The following KATNAL1 variants were observed in gnomAD, a reference collection of about 807,000 sequenced individuals.
KATNAL1 encodes the protein katanin p60 ATPase-containing subunit A-like 1.
KATNAL1 carries 32 observed loss-of-function variants against 55.2 expected under a neutral mutation model. The ratio of observed to expected loss-of-function variants is 0.58; its 90% CI spans 0.44 to 0.78. KATNAL1 has a LOEUF of 0.78. Ranked by LOEUF, KATNAL1 falls within the 30% of genes least tolerant of loss-of-function variation. The pLI is 0.00. For missense variants in KATNAL1, 466 were observed against 600.9 expected, an observed-to-expected ratio of 0.78 and a Z score of 2.35; for synonymous variants, 193 against 193.6, an observed-to-expected ratio of 1.00 and a Z score of 0.02.
rs117991635 is a variant in KATNAL1, at chr13:30,205,852, T to G, written c.*2688A>C. 0.013 allele frequency: 2,043 copies of G among 153,678 alleles called. 15 individuals are homozygous for G. Among genetic ancestry groups the G allele is most frequent in the Non-Finnish European group, 0.02 (1,402 of 70,174 alleles). 9.5% of individuals were successfully genotyped at this position (153,678 alleles called of 1,614,324 possible). A position where few individuals can be genotyped will look rare whatever the true frequency, so the allele number is the denominator to read the frequency against. The stretch of plus-strand genomic sequence containing the variant: ...AAGACTCTGTGTGTGTGTATGTGTG[T>G]GTATGTGTGTCTGTCTCACGCCTGT... On this transcript the variant is annotated 3_prime_UTR_variant, in exon 11 of 11. Transcript: ENST00000380615.
At chr13:30,239,926 C>T (rs1014506154) in intron 6 of KATNAL1, among the ~76,000 whole-genome samples, 3 of 152,056 alleles carry the variant, frequency 2.0e-5, no homozygotes, top group Non-Finnish European at 4.4e-5. Context: ...CCTCGTGATC[C>T]ACCCTCCTCA....
At chr13:30,276,678 C>T (rs1880871185) in intron 3 of KATNAL1, among the ~76,000 whole-genome samples, 1 of 151,958 alleles carries the variant, frequency 6.6e-6, no homozygotes, top group Admixed American at 6.6e-5. Context: ...TTTATTCTTC[C>T]ACCACTAGTA....
chr13:30,269,930 C>T (rs1382684169), intron 3 of KATNAL1, among the ~76,000 whole-genome samples: 6 of 151,428 alleles, frequency 4.0e-5, no homozygotes, highest in Non-Finnish European at 7.4e-5. Flanking sequence ...CCAGCCGCCC[C>T]GTCCGGGAGG....
Position 30,208,194 on chromosome 13 carries a change from A to G in KATNAL1, c.*346T>C, listed in dbSNP as rs577834825. 3.1e-3 allele frequency: 457 copies of G among 145,514 alleles called. 1 individual carries two copies. Among genetic ancestry groups the G allele is most frequent in the Admixed American group, 0.019 (248 of 13,064 alleles). The allele number at this position is 145,514 out of a possible 1,614,324, so 9.0% of individuals were successfully genotyped here. A position where few individuals can be genotyped will look rare whatever the true frequency, so the allele number is the denominator to read the frequency against. On this transcript the variant is annotated 3_prime_UTR_variant, in exon 11 of 11. Transcript: ENST00000380615. ...TCATGTTGACAGAGCACAGAATTGG[A>G]AAAAAAAACTGCAAATGAGAAATAG...
chr13:30,271,230 T>C (rs772079093), intron 3 of KATNAL1, among the ~76,000 whole-genome samples: 3 of 152,138 alleles, frequency 2.0e-5, no homozygotes, highest in East Asian at 3.8e-4. Flanking sequence ...ATCCCCAACT[T>C]ATAGAGGAGG....
At chr13:30,234,734 T>G (rs1191882817) in intron 6 of KATNAL1, among the ~76,000 whole-genome samples, 1 of 152,226 alleles carries the variant, frequency 6.6e-6, no homozygotes, top group African/African-American at 2.4e-5. Context: ...GAAACACATT[T>G]TGTTTCTATT....
chr13:30,213,557 T>C (rs1331235755), intron 9 of KATNAL1, among the ~76,000 whole-genome samples: 3 of 152,124 alleles, frequency 2.0e-5, no homozygotes, highest in African/African-American at 7.2e-5. Flanking sequence ...CAGCAGCACA[T>C]CTAAAAGCTT....
intron 1 of KATNAL1, among the ~76,000 whole-genome samples, chr13:30,286,082 G>T (rs1270314175): frequency 5.3e-5 from 8 of 152,212 alleles, no homozygotes; most frequent in Non-Finnish European, 1.2e-4. Context: ...ATGTTTAAAA[G>T]GGAAGCAGTG....
intron 4 of KATNAL1, among the ~76,000 whole-genome samples, chr13:30,246,447 A>C (rs566951482): frequency 6.6e-6 from 1 of 152,368 alleles, no homozygotes; most frequent in African/African-American, 2.4e-5. Flanking sequence ...ACCCTAGAAG[A>C]AAACCTAGGC....
intron 1 of KATNAL1, among the ~76,000 whole-genome samples, chr13:30,284,851 G>A (rs1881669602): frequency 6.6e-6 from 1 of 152,100 alleles, no homozygotes. Context: ...AATCATCCAA[G>A]GCTTCTATGC....
chr13:30,212,832 T>C (rs1312488675), intron 9 of KATNAL1, among the ~76,000 whole-genome samples: 2 of 152,196 alleles, frequency 1.3e-5, no homozygotes, highest in African/African-American at 4.8e-5. Flanking sequence ...CCCTCAAAAT[T>C]TTTAGGCAAC....
In KATNAL1 at chr13:30,237,617, G is replaced by A. The variant is rs536830139; in HGVS notation, c.726+2843C>T. On this transcript the variant is annotated intron_variant, in intron 6 of 10. Transcript: ENST00000380615. ...GAGAAAAGTTCATCCCAGAGATAACGTATTTTTGAAAAGGCACTTAATATG... is the reference window on the plus strand; with the variant it reads ...GAGAAAAGTTCATCCCAGAGATAACATATTTTTGAAAAGGCACTTAATATG... Among the ~76,000 whole-genome samples, 9 of 152,278 alleles carry A rather than the reference G, an allele frequency of 5.9e-5. No individual in the cohort carries two copies. In the South Asian group the frequency reaches 6.2e-4, roughly 11 times the overall value.
At chr13:30,223,670 T>C (rs949488186) in intron 9 of KATNAL1, among the ~76,000 whole-genome samples, 1 of 152,062 alleles carries the variant, frequency 6.6e-6, no homozygotes. Context: ...ATAATTTATT[T>C]ACTTAACAAC....
At chr13:30,229,588 T>C (rs893942170) in intron 8 of KATNAL1, among the ~76,000 whole-genome samples, 1 of 152,112 alleles carries the variant, frequency 6.6e-6, no homozygotes, top group African/African-American at 2.4e-5. Flanking sequence ...TGTGGTGGCA[T>C]GTGCCTGTGG....
chr13:30,260,242 C>T (rs2137474945), intron 3 of KATNAL1, among the ~76,000 whole-genome samples: 1 of 152,200 alleles, frequency 6.6e-6, no homozygotes, highest in South Asian at 2.1e-4. Context: ...CATCAAAGAC[C>T]AAAAGTAGAT....
chr13:30,286,768 A>C (rs1593176087), intron 1 of KATNAL1, among the ~76,000 whole-genome samples: 1 of 152,240 alleles, frequency 6.6e-6, no homozygotes, highest in Non-Finnish European at 1.5e-5. Context: ...ACTCAAGGTC[A>C]GCTGTGAAAG....
chr13:30,299,555 T>C (rs981511586), intron 1 of KATNAL1, among the ~76,000 whole-genome samples: 1 of 152,174 alleles, frequency 6.6e-6, no homozygotes, highest in Non-Finnish European at 1.5e-5. Context: ...TCTTGAAACA[T>C]AGTTTTTTAA....
intron 3 of KATNAL1, among the ~76,000 whole-genome samples, chr13:30,270,261 CCCCCCGCCCGGCCAGCCACCCCG>C (rs1880207588): frequency 1.4e-5 from 2 of 139,510 alleles, no homozygotes; most frequent in East Asian, 4.4e-4. Flanking sequence ...GGGGGTCAGC[CCCCCCGCCCGGCCAGCCACCCCG>C]TCCAGGAGGG....
At chr13:30,274,905 GCGCACACACACACACACACACACACA>G (rs1880702616) in intron 3 of KATNAL1, among the ~76,000 whole-genome samples, 2 of 84,348 alleles carry the variant, frequency 2.4e-5, no homozygotes, top group African/African-American at 4.2e-5. Context: ...GCGCGCGCGC[GCGCACACACACACACACACACACACA>G]CACACACACA....
Sources: gnomAD v4.1 joint callset for allele counts (sites outside exome capture counted in the v4.1 genomes callset) on GRCh38, gnomAD v4.1.1 for gene constraint, MANE v1.5 for transcripts, NCBI Gene and HGNC (gene_info 2026-07-23, HGNC 2026-07-21) for gene names.